NOX4: variants seen among roughly 807,000 people sequenced by gnomAD.
The protein encoded by NOX4 is NADPH oxidase 4.
Under a neutral mutation model 87.6 loss-of-function variants are expected in NOX4, and 69 were observed. The observed-to-expected ratio is 0.79, with a 90% CI of 0.65 to 0.96. The LOEUF (loss-of-function observed/expected upper bound fraction) is 0.96, where lower values mean the gene tolerates loss of function less well. Ranked by LOEUF, NOX4 falls within the 40% of genes least tolerant of loss-of-function variation. The pLI, the probability that NOX4 is intolerant of heterozygous loss-of-function variation, is 0.00. For missense variants in NOX4, 680 were observed against 681.5 expected, an observed-to-expected ratio of 1.00 and a Z score of 0.02; for synonymous variants, 275 against 238.2, an observed-to-expected ratio of 1.15 and a Z score of -1.42.
At chr11:89,402,790 T>C (rs1941952011) in intron 8 of NOX4, among the ~76,000 whole-genome samples, 1 of 152,162 alleles carries the variant, frequency 6.6e-6, no homozygotes, top group Admixed American at 6.6e-5. Context: ...AAATATGTGG[T>C]AGAGAAGAAT....
At chr11:89,382,902 A>T (rs1455910279) in intron 11 of NOX4, among the ~76,000 whole-genome samples, 2 of 152,020 alleles carry the variant, frequency 1.3e-5, no homozygotes, top group African/African-American at 4.8e-5. Flanking sequence ...GCTCTTTTTC[A>T]TCAAATATAA....
intron 2 of NOX4, among the ~76,000 whole-genome samples, chr11:89,484,031 C>T (rs576385533): frequency 6.6e-6 from 1 of 152,074 alleles, no homozygotes; most frequent in Non-Finnish European, 1.5e-5. Flanking sequence ...GCCTTCCATA[C>T]TATGGATGAG....
At chr11:89,349,065 G>A (rs1259086092) in intron 13 of NOX4, among the ~76,000 whole-genome samples, 16 of 152,080 alleles carry the variant, frequency 1.1e-4, no homozygotes, top group Non-Finnish European at 2.2e-4. Context: ...AAGACGGGTA[G>A]ATCACCAGGT....
chr11:89,582,671 G>A, the NOX4 span, among the ~76,000 whole-genome samples: 1 of 152,140 alleles, frequency 6.6e-6, no homozygotes, highest in Non-Finnish European at 1.5e-5. Context: ...TAAGACTGTG[G>A]CTTATTTTGC....
In NOX4 at chr11:89,401,342, C is replaced by T. The variant is rs189389661; in HGVS notation, c.847-963G>A. 2.6e-3 allele frequency among the ~76,000 whole-genome samples: 392 copies of T among 152,084 alleles called. 1 individual carries two copies. Among genetic ancestry groups the T allele is most frequent in the Admixed American group, 5.7e-3 (87 of 15,228 alleles). Reference sequence around the variant, plus strand: ...GGTCCCACATGAGCAAAATGGGAGTCGCCATACCTGCCCTAATATTTGTGA... The same window carrying T: ...GGTCCCACATGAGCAAAATGGGAGTTGCCATACCTGCCCTAATATTTGTGA... On this transcript the variant is annotated intron_variant, in intron 9 of 17. Coordinates refer to ENST00000263317, the MANE Select transcript of NOX4 (RefSeq NM_016931.5).
chr11:89,385,878 T>G (rs1476216524), intron 11 of NOX4, among the ~76,000 whole-genome samples: 2 of 152,128 alleles, frequency 1.3e-5, no homozygotes, highest in Admixed American at 6.6e-5. Context: ...TTTCTTCCCT[T>G]CCGTCAGACA....
chr11:89,372,094 T>A (rs1000262929), intron 12 of NOX4, among the ~76,000 whole-genome samples: 1 of 151,268 alleles, frequency 6.6e-6, no homozygotes, highest in Non-Finnish European at 1.5e-5. Flanking sequence ...CCTTCCCTGG[T>A]TTTTAGAGAT....
intron 8 of NOX4, among the ~76,000 whole-genome samples, chr11:89,408,289 T>C (rs983123855): frequency 3.3e-5 from 5 of 152,202 alleles, no homozygotes; most frequent in Admixed American, 2.6e-4. Context: ...TTTGTTGTGA[T>C]TGTTGTTGAA....
At chr11:89,450,018 G>A (rs1944886645) in intron 3 of NOX4, among the ~76,000 whole-genome samples, 1 of 152,122 alleles carries the variant, frequency 6.6e-6, no homozygotes, top group Non-Finnish European at 1.5e-5. Flanking sequence ...AGTTTGAAAT[G>A]CCTGTTTGAT....
chr11:89,333,897 A>G (rs1453554092), intron 17 of NOX4, among the ~76,000 whole-genome samples: 1 of 151,808 alleles, frequency 6.6e-6, no homozygotes, highest in East Asian at 1.9e-4. Context: ...TCAACAGCAG[A>G]TGGTGCACAT....
the NOX4 span, among the ~76,000 whole-genome samples, chr11:89,532,823 C>T: frequency 2.6e-5 from 4 of 152,072 alleles, no homozygotes; most frequent in African/African-American, 4.8e-5. Context: ...TCTTCCATGA[C>T]GTTCTCATGA....
the NOX4 span, among the ~76,000 whole-genome samples, chr11:89,534,566 C>A: frequency 6.6e-6 from 1 of 152,220 alleles, no homozygotes; most frequent in Non-Finnish European, 1.5e-5. Flanking sequence ...TCCCACTGGG[C>A]AAGGTTCAGG....
intron 8 of NOX4, among the ~76,000 whole-genome samples, chr11:89,412,090 T>C (rs1362597444): frequency 6.6e-6 from 1 of 152,094 alleles, no homozygotes; most frequent in East Asian, 1.9e-4. Context: ...CATAATGTGA[T>C]AAAGGGGTCA....
In NOX4 at chr11:89,402,515, T is replaced by C. The variant is rs200031769; in HGVS notation, c.657A>G (p.Leu219=). The change falls in exon 9 of 18, where the codon TTA becomes TTG. Residue 219 remains leucine, a synonymous_variant. Transcript: ENST00000263317. The stretch of plus-strand genomic sequence containing the variant: ...TGATGCAGCCGGGAGGGTGGGTATC[T>C]AAATTAGTTTGATACTTCAGCAGCC... ...SGGLLKYQTN[L]DTHPPGCISL... is the part of the protein sequence containing the mutation. 16 of 1,610,302 alleles carry C rather than the reference T, an allele frequency of 9.9e-6. No homozygotes were observed. The highest frequency in any genetic ancestry group is 8.5e-6 in the Non-Finnish European group (10 of 1,178,434).
Position 89,326,651 on chromosome 11 carries a change from C to T in NOX4, c.*105G>A. 1.1e-6 allele frequency: 1 copy of T among 891,664 alleles called. No individual in the cohort carries two copies. Among genetic ancestry groups the T allele is most frequent in the South Asian group, 2.4e-5 (1 of 41,808 alleles). 55.2% of individuals were successfully genotyped at this position (891,664 alleles called of 1,614,324 possible). On this transcript the variant is annotated 3_prime_UTR_variant, in exon 18 of 18. Transcript: ENST00000263317. ...TTTAAATAATCATAAATAAGAAAAC[C>T]TTACTATTCTTTGGCATAACACAGC...
intron 17 of NOX4, among the ~76,000 whole-genome samples, chr11:89,331,802 ATTTTC>A (rs1405343778): frequency 6.6e-6 from 1 of 151,444 alleles, no homozygotes. Context: ...TTTCTTTAAC[ATTTTC>A]TTTTGCAATT....
At chr11:89,445,279 ACT>A (rs910736297) in intron 4 of NOX4, among the ~76,000 whole-genome samples, 2 of 151,812 alleles carry the variant, frequency 1.3e-5, no homozygotes, top group African/African-American at 4.8e-5. Flanking sequence ...AATCTAGAAA[ACT>A]CTATAATTTC....
chr11:89,498,381 T>G (rs147396439), upstream of NOX4, among the ~76,000 whole-genome samples: 178 of 152,270 alleles, frequency 1.2e-3, no homozygotes, highest in African/African-American at 4.1e-3. Context: ...AGTAAAAAAT[T>G]TACTTGCCAA....
rs141880791 is a variant in NOX4 at position 89,434,568 on chromosome 11, T to C, written c.476-1712A>G. ...TGAAAAATACACTATTTTGGAAAAA[T>C]AGCATGCCTGCAAAGTAACCCAGCC... is the stretch of plus-strand genomic sequence containing the variant. On this transcript the variant is annotated intron_variant, in intron 6 of 17. Coordinates refer to ENST00000263317, the MANE Select transcript of NOX4 (RefSeq NM_016931.5). 4.8e-4 allele frequency among the ~76,000 whole-genome samples: 73 copies of C among 152,034 alleles called. 2 individuals carry two copies. The East Asian group carries it at 0.014, about 29-fold the overall frequency.
Sources: gnomAD v4.1 joint callset for allele counts (sites outside exome capture counted in the v4.1 genomes callset) on GRCh38, gnomAD v4.1.1 for gene constraint, MANE v1.5 for transcripts, NCBI Gene and HGNC (gene_info 2026-07-23, HGNC 2026-07-21) for gene names.